The following SCAPER variants were observed in gnomAD, a reference collection of about 807,000 sequenced individuals.
SCAPER encodes S phase cyclin A-associated protein in the endoplasmic reticulum.
In SCAPER, 98 loss-of-function variants were observed where a neutral mutation model predicts 182.2. That is an observed-to-expected ratio of 0.54 (90% CI 0.46 to 0.64). The LOEUF (loss-of-function observed/expected upper bound fraction) is 0.64, where lower values mean the gene tolerates loss of function less well. Among genes scored for constraint, SCAPER ranks in the 30% least tolerant of loss-of-function variants. The pLI is 0.00. For missense variants in SCAPER, 1,432 were observed against 1,690.0 expected (o/e 0.85, Z 2.68); for synonymous variants, 605 against 564.6 (o/e 1.07, Z -1.01).
intron 20 of SCAPER, among the ~76,000 whole-genome samples, chr15:76,688,843 C>T (rs1249879911): frequency 5.4e-5 from 5 of 92,390 alleles, no homozygotes; most frequent in Admixed American, 2.9e-4. Context: ...AAATGCCTCT[C>T]TTTTTTTTTT....
In SCAPER at chr15:76,698,137, C is replaced by G. The variant is rs73461343; in HGVS notation, c.2508+3621G>C. On this transcript the variant is annotated intron_variant, in intron 20 of 31. Transcript: ENST00000563290. ...CTCCATACTATTCTCTCTTAAACTACTCATACGATTTGAGTAAAAGGCAGA... is the reference window on the plus strand; with the variant it reads ...CTCCATACTATTCTCTCTTAAACTAGTCATACGATTTGAGTAAAAGGCAGA... Among the ~76,000 whole-genome samples the G allele has an allele frequency of 4.4e-3, 663 of 151,952 alleles. 7 individuals are homozygous for G. Among genetic ancestry groups the G allele is most frequent in the African/African-American group, 0.015 (632 of 41,428 alleles).
At chr15:76,628,768 T>A (rs1208802470) in intron 21 of SCAPER, among the ~76,000 whole-genome samples, 1 of 152,214 alleles carries the variant, frequency 6.6e-6, no homozygotes, top group Admixed American at 6.5e-5. Context: ...CTTTTTTGGA[T>A]CCATATGAAT....
chr15:76,794,260 T>C (rs940521449), intron 8 of SCAPER, among the ~76,000 whole-genome samples: 13 of 152,242 alleles, frequency 8.5e-5, no homozygotes, highest in African/African-American at 3.1e-4. Flanking sequence ...TAATCTGAAG[T>C]GGACTGCTTT....
At chr15:76,635,417 C>A (rs2053506788) in intron 21 of SCAPER, among the ~76,000 whole-genome samples, 1 of 152,150 alleles carries the variant, frequency 6.6e-6, no homozygotes, top group Non-Finnish European at 1.5e-5. Flanking sequence ...TAGACAGTGG[C>A]CCTGGCCAGG....
At chr15:76,384,530 T>C (rs749540164) in intron 27 of SCAPER, among the ~76,000 whole-genome samples, 4 of 152,212 alleles carry the variant, frequency 2.6e-5, no homozygotes, top group Non-Finnish European at 5.9e-5. Flanking sequence ...ACTCATCTGA[T>C]GGATTATAAA....
intron 20 of SCAPER, among the ~76,000 whole-genome samples, chr15:76,691,078 G>C (rs2058328287): frequency 6.6e-6 from 1 of 151,866 alleles, no homozygotes; most frequent in Non-Finnish European, 1.5e-5. Context: ...TATTAAAAAA[G>C]TAAAAATATT....
intron 20 of SCAPER, among the ~76,000 whole-genome samples, chr15:76,666,561 G>A (rs1290480744): frequency 1.3e-5 from 2 of 152,272 alleles, no homozygotes; most frequent in Non-Finnish European, 2.9e-5. Context: ...TATGTCTGAA[G>A]CAGATTAATG....
At chr15:76,461,584 ATTCT>A (rs905176965) in intron 25 of SCAPER, among the ~76,000 whole-genome samples, 6 of 151,692 alleles carry the variant, frequency 4.0e-5, no homozygotes, top group African/African-American at 1.5e-4. Context: ...TTTCTGTTTG[ATTCT>A]TTATTATGTT....
intron 5 of SCAPER, among the ~76,000 whole-genome samples, chr15:76,841,068 A>T (rs1042469670): frequency 3.3e-5 from 5 of 152,218 alleles, no homozygotes; most frequent in Non-Finnish European, 7.3e-5. Flanking sequence ...TGCCATCTAC[A>T]GCACCAACGG....
chr15:76,442,056 C>T (rs1452231814), intron 25 of SCAPER, among the ~76,000 whole-genome samples: 1 of 151,982 alleles, frequency 6.6e-6, no homozygotes, highest in East Asian at 1.9e-4. Context: ...TCTATATATA[C>T]ATGTATATAT....
At chr15:76,874,114 G>A (rs566520878) in intron 2 of SCAPER, among the ~76,000 whole-genome samples, 1 of 152,062 alleles carries the variant, frequency 6.6e-6, no homozygotes, top group South Asian at 2.1e-4. Context: ...GGCTGGTCTT[G>A]AACTCCTAGC....
At chr15:76,444,138 T>C (rs549037769) in intron 25 of SCAPER, among the ~76,000 whole-genome samples, 1 of 152,328 alleles carries the variant, frequency 6.6e-6, no homozygotes, top group African/African-American at 2.4e-5. Context: ...TCATCAAATG[T>C]AGGCAACTTT....
intron 27 of SCAPER, among the ~76,000 whole-genome samples, chr15:76,384,559 T>C (rs536573505): frequency 6.6e-6 from 1 of 152,228 alleles, no homozygotes; most frequent in African/African-American, 2.4e-5. Flanking sequence ...GCCCAGTCTT[T>C]TGCAAATATT....
At chr15:76,377,201 C>A (rs184088798) in intron 28 of SCAPER, among the ~76,000 whole-genome samples, 1 of 152,304 alleles carries the variant, frequency 6.6e-6, no homozygotes, top group Non-Finnish European at 1.5e-5. Context: ...TCAATGAATT[C>A]ACTTCACTTA....
At chr15:76,658,672 C>G (rs2055873529) in intron 21 of SCAPER, among the ~76,000 whole-genome samples, 1 of 152,196 alleles carries the variant, frequency 6.6e-6, no homozygotes, top group Non-Finnish European at 1.5e-5. Context: ...TCATACTATA[C>G]CTTACAAGGC....
chr15:76,802,363 C>A (rs2065862034), intron 6 of SCAPER, among the ~76,000 whole-genome samples: 1 of 151,952 alleles, frequency 6.6e-6, no homozygotes, highest in Non-Finnish European at 1.5e-5. Context: ...GTCACAAAGA[C>A]AATACAGCCA....
intron 23 of SCAPER, among the ~76,000 whole-genome samples, chr15:76,519,158 A>C (rs1476080045): frequency 6.6e-6 from 1 of 152,246 alleles, no homozygotes. Flanking sequence ...GAGCACTTTT[A>C]AGTTCATTCG....
chr15:76,795,189 A>G, intron 8 of SCAPER, 91 bp downstream of exon 8: 3 of 1,193,636 alleles, frequency 2.5e-6, no homozygotes, highest in Non-Finnish European at 2.3e-6. Flanking sequence ...ATGTTGTACA[A>G]AAAGATAAAT....
chr15:76,794,150 G>A (rs148428735), intron 8 of SCAPER, among the ~76,000 whole-genome samples: 3 of 152,218 alleles, frequency 2.0e-5, no homozygotes, highest in South Asian at 2.1e-4. Flanking sequence ...GACGAAACTG[G>A]TCCAAAATAA....
Sources: gnomAD v4.1 joint callset for allele counts (sites outside exome capture counted in the v4.1 genomes callset) on GRCh38, gnomAD v4.1.1 for gene constraint, MANE v1.5 for transcripts, NCBI Gene and HGNC (gene_info 2026-07-23, HGNC 2026-07-21) for gene names.